LPA: variants seen among roughly 807,000 people sequenced by gnomAD.
The protein encoded by LPA is lipoprotein(a), also known as apolipoprotein(a).
In LPA, 199 loss-of-function variants were observed where a neutral mutation model predicts 197.9. That is an observed-to-expected ratio of 1.01 (90% CI 0.90 to 1.13). The LOEUF is 1.13. Among genes scored for constraint, LPA ranks in the 50% most tolerant of loss-of-function variants. LPA has a pLI of 0.00. For synonymous variants in LPA, 715 were observed against 639.5 expected (o/e 1.12, Z -1.78); for missense variants, 1,853 against 1,785.8 (o/e 1.04, Z -0.68).
intron 26 of LPA, among the ~76,000 whole-genome samples, chr6:160,584,198 TTC>T: frequency 1.8e-5 from 2 of 111,788 alleles, no homozygotes; most frequent in Non-Finnish European, 3.5e-5. Flanking sequence ...CTTCTTCTTC[TTC>T]TTCTTCTTCT....
Position 160,589,606 on chromosome 6 carries a change from C to A in LPA, c.3894G>T (p.Trp1298Cys). 6.2e-7 allele frequency: 1 copy of A among 1,613,896 alleles called. No homozygotes were observed. Among genetic ancestry groups the A allele is most frequent in the Non-Finnish European group, 8.5e-7 (1 of 1,179,862 alleles). Residue 1298 changes from tryptophan (W) to cysteine (C), a missense_variant, in exon 24 of 39, where the codon TGG (tryptophan) becomes TGT (cysteine). Transcript: ENST00000316300. ...TTVTGRTCQS[W>C]SSMTPHWHQR... The stretch of plus-strand genomic sequence containing the variant: ...GATGCCAGTGTGGTGTCATAGAGGA[C>A]CAAGACTGACATGTCCTTCCTGTAA...
intron 20 of LPA, among the ~76,000 whole-genome samples, chr6:160,598,619 T>C (rs1450795046): frequency 6.6e-6 from 1 of 152,214 alleles, no homozygotes; most frequent in East Asian, 1.9e-4. Flanking sequence ...GATCATGGCT[T>C]CTGTCCATCT....
rs534937947 is a variant in LPA, at chr6:160,662,260, A to C, written c.49+1906T>G. 1.9e-3 allele frequency among the ~76,000 whole-genome samples: 294 copies of C among 152,334 alleles called. 1 individual carries two copies. Among genetic ancestry groups the C allele is most frequent in the South Asian group, 1.2e-3 (6 of 4,824 alleles). Reference sequence around the variant, plus strand: ...TATTATAGGCAAAATGTAGATGTATATTGCTACTGAAGTAAATGTATTTTA... The same window carrying C: ...TATTATAGGCAAAATGTAGATGTATCTTGCTACTGAAGTAAATGTATTTTA... On this transcript the variant is annotated intron_variant, in intron 1 of 38. Transcript: ENST00000316300.
intron 28 of LPA, among the ~76,000 whole-genome samples, chr6:160,576,392 A>ATATATATATATATATATATATATGGG (rs1193565722): frequency 5.7e-4 from 39 of 68,000 alleles, no homozygotes; most frequent in Non-Finnish European, 6.3e-4. Context: ...ATATATATGT[A>ATATATATATATATATATATATATGGG]TATATATATA....
Position 160,595,358 on chromosome 6 carries a change from T to C in LPA, c.3465A>G (p.Glu1155=). Residue 1155 remains glutamate, a synonymous_variant, in exon 21 of 39, where the codon GAA becomes GAG. Coordinates refer to ENST00000316300, the MANE Select transcript of LPA (RefSeq NM_005577.4). The part of the protein sequence containing the change: ...VPDPSTEASS[E]EAPTEQSPGV... ...GTCTGGCCATAGACTTCCTACCTTCTTCAGAAGAAGCCTCTGTGCTTGGAT... is the reference window on the plus strand; with the variant it reads ...GTCTGGCCATAGACTTCCTACCTTCCTCAGAAGAAGCCTCTGTGCTTGGAT... The C allele has an allele frequency of 1.9e-6, 3 of 1,612,340 alleles. No homozygotes were observed. The highest frequency in any genetic ancestry group is 1.7e-6 in the Non-Finnish European group (2 of 1,179,864).
Position 160,531,800 on chromosome 6 carries a change from TG to T in LPA, c.6051del (p.Asn2018IlefsTer19), listed in dbSNP as rs1777810918. 6.2e-7 allele frequency: 1 copy of T among 1,614,034 alleles called. No homozygotes were observed. Among genetic ancestry groups the T allele is most frequent in the Non-Finnish European group, 8.5e-7 (1 of 1,180,002 alleles). On this transcript the variant is annotated frameshift_variant, in exon 39 of 39. Transcript: ENST00000316300. LOFTEE classifies it high-confidence loss of function. ...VTSWGLGCAR[P>X]NKPGVYARVS... Reference sequence around the variant, plus strand: ...ACACGAGCATAGACACCAGGCTTATTGGGGCGTGCACAGCCAAGACCCCAAG... The same window carrying T: ...ACACGAGCATAGACACCAGGCTTATTGGGCGTGCACAGCCAAGACCCCAAG...
chr6:160,539,420 C>G (rs1246551579), intron 36 of LPA, among the ~76,000 whole-genome samples: 1 of 150,322 alleles, frequency 6.7e-6, no homozygotes, highest in Non-Finnish European at 1.5e-5. Context: ...TTATTATTTG[C>G]ATTTGTAAAT....
rs553862088 is a variant in LPA at position 160,538,969 on chromosome 6, C to T, written c.5736-1008G>A. On this transcript the variant is annotated intron_variant, in intron 36 of 38. Transcript: ENST00000316300. ...CATTTGCTGGGATGGTGGGGAGGAC[C>T]CTGGGGAGCAAGAGGGAGATCAGCT... Among the ~76,000 whole-genome samples the T allele has an allele frequency of 1.2e-4, 18 of 152,220 alleles. No homozygotes were observed. In the South Asian group the frequency reaches 3.5e-3, roughly 30 times the overall value.
intron 1 of LPA, among the ~76,000 whole-genome samples, chr6:160,663,343 T>C (rs1780257089): frequency 6.6e-6 from 1 of 152,262 alleles, no homozygotes; most frequent in Admixed American, 6.5e-5. Context: ...AAATCTGGCT[T>C]AAATCCAGGT....
intron 20 of LPA, among the ~76,000 whole-genome samples, chr6:160,596,292 C>T (rs1293088365): frequency 1.3e-5 from 2 of 152,098 alleles, no homozygotes; most frequent in African/African-American, 4.8e-5. Context: ...AATCAACTTT[C>T]TGTTTCAAGA....
At chr6:160,643,082 CA>C (rs1779866185) in intron 4 of LPA, among the ~76,000 whole-genome samples, 1 of 88,404 alleles carries the variant, frequency 1.1e-5, no homozygotes, top group African/African-American at 6.5e-5. Flanking sequence ...GGTGTGTTTT[CA>C]GTGTGTGTGT....
intron 1 of LPA, among the ~76,000 whole-genome samples, chr6:160,653,837 T>TA (rs1780047959): frequency 7.1e-6 from 1 of 140,482 alleles, no homozygotes; most frequent in Non-Finnish European, 1.5e-5. Context: ...TCCTGGGATA[T>TA]AAGGTTGGTT....
intron 16 of LPA, among the ~76,000 whole-genome samples, chr6:160,607,766 T>A (rs1195875059): frequency 6.6e-6 from 1 of 151,986 alleles, no homozygotes; most frequent in East Asian, 1.9e-4. Flanking sequence ...GCTGGTTCAA[T>A]GAGCTACAGG....
At chr6:160,576,937 T>C (rs1046747090) in intron 28 of LPA, among the ~76,000 whole-genome samples, 199 bp downstream of exon 28, 4 of 152,164 alleles carry the variant, frequency 2.6e-5, no homozygotes, top group Non-Finnish European at 4.4e-5. Context: ...ACTCCTTCCA[T>C]AAAACTATTA....
chr6:160,587,751 TTGTGTGTGTGTGTGTG>T (rs67979615), intron 24 of LPA, among the ~76,000 whole-genome samples: 85 of 125,464 alleles, frequency 6.8e-4, no homozygotes, highest in African/African-American at 2.2e-3. Context: ...GGTTCAGTCT[TTGTGTGTGTGTGTGTG>T]TGTGTGTGTG....
chr6:160,590,787 C>T (rs1405717679), intron 23 of LPA, among the ~76,000 whole-genome samples, 157 bp downstream of exon 23: 1 of 152,112 alleles, frequency 6.6e-6, no homozygotes, highest in East Asian at 1.9e-4. Context: ...AGCCCTGGTT[C>T]CCCCAGAGAA....
At position 160,540,801 on chromosome 6, in the gene LPA, A is replaced by G. The variant is rs145548270; in HGVS notation, c.5594+306T>C. 3.8e-3 allele frequency among the ~76,000 whole-genome samples: 574 copies of G among 152,316 alleles called. 6 individuals are homozygous for G. Among genetic ancestry groups the G allele is most frequent in the African/African-American group, 0.014 (565 of 41,574 alleles). ...ATATTGCTCTAGAGCAATGCAATAC[A>G]GATTGATGCCTCTGGTAGTGAACAG... On this transcript the variant is annotated intron_variant, in intron 35 of 38. Transcript: ENST00000316300.
At chr6:160,634,895 C>G (rs1346685464) in intron 7 of LPA, among the ~76,000 whole-genome samples, 2 of 150,188 alleles carry the variant, frequency 1.3e-5, no homozygotes, top group Non-Finnish European at 2.9e-5. Context: ...TGAAGCCCAT[C>G]ACCCTGGAAG....
Position 160,611,711 on chromosome 6 carries a change from C to T in LPA, c.2454G>A (p.Glu818=). The part of the protein sequence containing the change: ...LEAPSEQAPT[E]QRPGVQECYH... ...AGCACTCCTGCACCCCAGGCCTCTGCTCAGTCGGTGCTGAAATGAAAACAC... is the reference window on the plus strand; with the variant it reads ...AGCACTCCTGCACCCCAGGCCTCTGTTCAGTCGGTGCTGAAATGAAAACAC... The change falls in exon 16 of 39, where the codon GAG becomes GAA. Residue 818 remains glutamate, a synonymous_variant. Coordinates refer to ENST00000316300, the MANE Select transcript of LPA (RefSeq NM_005577.4). The T allele has an allele frequency of 4.0e-6, 6 of 1,517,802 alleles. No individual in the cohort carries two copies. The highest frequency in any genetic ancestry group is 5.4e-6 in the Non-Finnish European group (6 of 1,113,926). 94.0% of individuals were successfully genotyped at this position (1,517,802 alleles called of 1,614,324 possible). A position where few individuals can be genotyped will look rare whatever the true frequency, so the allele number is the denominator to read the frequency against.
Sources: allele counts gnomAD v4.1 joint callset (sites outside exome capture counted in the v4.1 genomes callset), GRCh38; gene constraint gnomAD v4.1.1; transcripts MANE v1.5; gene names NCBI Gene and HGNC (gene_info 2026-07-23, HGNC 2026-07-21).